The following PKP4 variants were observed in gnomAD, a reference collection of about 807,000 sequenced individuals.
The protein encoded by PKP4 is plakophilin-4.
In PKP4, 90 loss-of-function variants were observed where a neutral mutation model predicts 145.1. That is an observed-to-expected ratio of 0.62 (90% CI 0.52 to 0.74). The LOEUF (loss-of-function observed/expected upper bound fraction) is 0.74. Ranked by LOEUF, PKP4 falls within the 30% of genes least tolerant of loss-of-function variation. The probability of loss-of-function intolerance (pLI) is 0.00; values close to 1 mark genes in which losing one functional copy is unlikely to be tolerated. For missense variants in PKP4, 1,340 were observed against 1,482.7 expected (o/e 0.90, Z 1.58); for synonymous variants, 563 against 577.2 (o/e 0.98, Z 0.35).
intron 15 of PKP4, 70 bp downstream of exon 15, chr2:158,663,515 T>C: frequency 7.5e-7 from 1 of 1,338,912 alleles, no homozygotes; most frequent in Non-Finnish European, 1.1e-6. Context: ...TATATATATA[T>C]GTTCTGCCTC....
chr2:158,488,467 G>A lies in PKP4; in HGVS notation c.-6+31249G>A, dbSNP rs572309710. Among the ~76,000 whole-genome samples, 4 of 152,144 alleles carry A rather than the reference G, an allele frequency of 2.6e-5. No homozygotes were observed. The South Asian group carries it at 8.3e-4, about 32-fold the overall frequency. On this transcript the variant is annotated intron_variant, in intron 1 of 21. Transcript: ENST00000389759. ...TTTTTTTATGTTTATTATGCCCCTT[G>A]TATTGTCCCACTACCTCTAAATAAT...
chr2:158,506,687 C>T (rs553575301), intron 1 of PKP4, among the ~76,000 whole-genome samples: 2 of 152,212 alleles, frequency 1.3e-5, no homozygotes, highest in East Asian at 1.9e-4. Context: ...TATACTTATG[C>T]CTACTTTTAA....
chr2:158,673,939 A>G lies in PKP4; in HGVS notation c.3066A>G (p.Arg1022=). ...ITPVSTLERD[R]FKSHPSLSTT... ...CTGTGTCGACATTGGAGCGAGACCG[A>G]TTCAAATCACATCCTTCCTTGTCTA... The change falls in exon 19 of 22, where the codon CGA becomes CGG. Residue 1022 remains arginine, a synonymous_variant. Coordinates refer to ENST00000389759, the MANE Select transcript of PKP4 (RefSeq NM_003628.6). The G allele has an allele frequency of 1.2e-6, 2 of 1,613,518 alleles. No individual in the cohort carries two copies. The highest frequency in any genetic ancestry group is 1.7e-6 in the Non-Finnish European group (2 of 1,179,396).
At position 158,625,020 on chromosome 2, in the gene PKP4, C is replaced by G; in HGVS notation, c.746C>G (p.Ser249Ter). The G allele has an allele frequency of 6.2e-7, 1 of 1,614,186 alleles. No homozygotes were observed. Among genetic ancestry groups the G allele is most frequent in the Non-Finnish European group, 8.5e-7 (1 of 1,180,028 alleles). Reference protein sequence around the residue: ...TSLGSGFGSPSVTDPRPLNPS... With the variant: ...TSLGSGFGSP ...CTGGGTAGTGGATTTGGCTCTCCGTCAGTGACCGACCCCCGACCTCTGAAC... is the reference window on the plus strand; with the variant it reads ...CTGGGTAGTGGATTTGGCTCTCCGTGAGTGACCGACCCCCGACCTCTGAAC... Residue 249 changes from serine to a stop codon, truncating the protein, a stop_gained, in exon 7 of 22, where the codon TCA becomes TGA. Transcript: ENST00000389759. LOFTEE classifies it high-confidence loss of function.
At chr2:158,644,439 C>T (rs1235977688) in intron 11 of PKP4, among the ~76,000 whole-genome samples, 1 of 152,094 alleles carries the variant, frequency 6.6e-6, no homozygotes, top group Non-Finnish European at 1.5e-5. Context: ...TGCAGGAGGA[C>T]ACATTGATGA....
chr2:158,475,729 A>C (rs988567756), intron 1 of PKP4, among the ~76,000 whole-genome samples: 2 of 152,200 alleles, frequency 1.3e-5, no homozygotes, highest in Admixed American at 1.3e-4. Flanking sequence ...GCCCAGTGGA[A>C]GTAAGACCCA....
At chr2:158,477,493 A>C (rs1692665376) in intron 1 of PKP4, among the ~76,000 whole-genome samples, 1 of 152,218 alleles carries the variant, frequency 6.6e-6, no homozygotes, top group South Asian at 2.1e-4. Flanking sequence ...AACTGAAGCA[A>C]AAGTATCAGC....
chr2:158,563,306 C>T (rs1302311962), intron 2 of PKP4, among the ~76,000 whole-genome samples: 1 of 152,002 alleles, frequency 6.6e-6, no homozygotes, highest in Admixed American at 6.6e-5. Flanking sequence ...ATTAAATACT[C>T]AGAAGTATAA....
intron 2 of PKP4, among the ~76,000 whole-genome samples, chr2:158,560,814 G>T (rs1209326461): frequency 6.6e-6 from 1 of 152,150 alleles, no homozygotes; most frequent in Non-Finnish European, 1.5e-5. Flanking sequence ...TTAAACTGGG[G>T]TTTACAGATG....
intron 3 of PKP4, among the ~76,000 whole-genome samples, chr2:158,584,573 G>C (rs966913120): frequency 6.6e-6 from 1 of 152,194 alleles, no homozygotes; most frequent in Non-Finnish European, 1.5e-5. Context: ...TTTAGTCCTA[G>C]CACTTTGGGA....
At chr2:158,548,867 A>G in intron 2 of PKP4, 1 of 201,366 alleles carries the variant, frequency 5.0e-6, no homozygotes, top group Non-Finnish European at 1.0e-5. Context: ...CCACCTTTGG[A>G]GAACAAGAAG....
At chr2:158,545,726 A>C (rs1036896681) in intron 2 of PKP4, among the ~76,000 whole-genome samples, 2 of 152,172 alleles carry the variant, frequency 1.3e-5, no homozygotes, top group African/African-American at 2.4e-5. Flanking sequence ...TAAACTGATG[A>C]TGAGATTTCA....
chr2:158,595,094 G>T (rs762337720), intron 3 of PKP4, among the ~76,000 whole-genome samples: 2 of 152,172 alleles, frequency 1.3e-5, no homozygotes, highest in Non-Finnish European at 2.9e-5. Context: ...AAGACAGAGA[G>T]CATAAGTCTC....
chr2:158,535,827 A>C (rs1574355147), intron 2 of PKP4, among the ~76,000 whole-genome samples: 1 of 152,152 alleles, frequency 6.6e-6, no homozygotes, highest in Admixed American at 6.5e-5. Flanking sequence ...CTTAGGAATG[A>C]TATTTCCTTA....
At chr2:158,536,534 T>A (rs900158520) in intron 2 of PKP4, among the ~76,000 whole-genome samples, 1 of 152,148 alleles carries the variant, frequency 6.6e-6, no homozygotes, top group African/African-American at 2.4e-5. Context: ...AAGCAACCAA[T>A]AGCAGTCTTG....
intron 1 of PKP4, among the ~76,000 whole-genome samples, chr2:158,475,824 A>G (rs1692381034): frequency 6.6e-6 from 1 of 152,220 alleles, no homozygotes; most frequent in Admixed American, 6.5e-5. Flanking sequence ...GATAAACTAC[A>G]TGCACTGAAG....
chr2:158,643,705 C>A (rs1278017428), intron 11 of PKP4, among the ~76,000 whole-genome samples: 2 of 114,210 alleles, frequency 1.8e-5, no homozygotes, highest in African/African-American at 5.5e-5. Context: ...CAAGTGAGGC[C>A]CTGTTTCAAA....
At chr2:158,638,243 G>A (rs1204326416) in intron 9 of PKP4, among the ~76,000 whole-genome samples, 3 of 152,116 alleles carry the variant, frequency 2.0e-5, no homozygotes, top group Admixed American at 2.0e-4. Context: ...ATTTTTTAGG[G>A]ATGATGAATA....
At chr2:158,645,937 T>C (rs567932064) in intron 11 of PKP4, among the ~76,000 whole-genome samples, 1 of 152,344 alleles carries the variant, frequency 6.6e-6, no homozygotes, top group East Asian at 1.9e-4. Context: ...TTTTATGTAC[T>C]AGGTTACCTG....
Sources: gnomAD v4.1 joint callset for allele counts (sites outside exome capture counted in the v4.1 genomes callset) on GRCh38, gnomAD v4.1.1 for gene constraint, MANE v1.5 for transcripts, NCBI Gene and HGNC (gene_info 2026-07-23, HGNC 2026-07-21) for gene names.